Variants in SLX4IP observed in about 807,000 individuals in gnomAD.
SLX4IP encodes protein SLX4IP.
Under a neutral mutation model 32.9 loss-of-function variants are expected in SLX4IP, and 34 were observed. That is an observed-to-expected ratio of 1.03 (90% CI 0.79 to 1.38). The LOEUF (loss-of-function observed/expected upper bound fraction) is 1.38. Ranked by LOEUF, SLX4IP falls within the 40% of genes most tolerant of loss-of-function variation. SLX4IP has a pLI of 0.00. For synonymous variants in SLX4IP, 172 were observed against 171.7 expected, an observed-to-expected ratio of 1.00 and a Z score of -0.01; for missense variants, 444 against 479.0, an observed-to-expected ratio of 0.93 and a Z score of 0.68.
intron 1 of SLX4IP, among the ~76,000 whole-genome samples, chr20:10,439,830 G>A (rs1158456740): frequency 6.6e-6 from 1 of 152,198 alleles, no homozygotes; most frequent in Non-Finnish European, 1.5e-5. Flanking sequence ...GCAAAGTAGA[G>A]ATCTATAAAG....
chr20:10,459,679 A>G (rs1440298377), intron 2 of SLX4IP, among the ~76,000 whole-genome samples: 1 of 152,198 alleles, frequency 6.6e-6, no homozygotes, highest in South Asian at 2.1e-4. Context: ...ATGCCAGGAG[A>G]GTTCTCTTGC....
At chr20:10,588,005 T>C in intron 4 of SLX4IP, among the ~76,000 whole-genome samples, 1 of 151,872 alleles carries the variant, frequency 6.6e-6, no homozygotes, top group Non-Finnish European at 1.5e-5. Flanking sequence ...AAAACTTCTG[T>C]GCAGCAAAGG....
At chr20:10,492,335 GT>G (rs1199169191) in intron 2 of SLX4IP, among the ~76,000 whole-genome samples, 1 of 152,148 alleles carries the variant, frequency 6.6e-6, no homozygotes, top group Admixed American at 6.5e-5. Flanking sequence ...AGTTGCGTCA[GT>G]TTCCCCTCCC....
intron 4 of SLX4IP, among the ~76,000 whole-genome samples, chr20:10,579,496 C>T (rs994848701): frequency 8.6e-5 from 13 of 150,994 alleles, no homozygotes; most frequent in African/African-American, 2.4e-5. Flanking sequence ...GGTGTGATCT[C>T]GGCTCGCTGC....
intron 2 of SLX4IP, among the ~76,000 whole-genome samples, chr20:10,491,105 C>T (rs2065619370): frequency 6.6e-6 from 1 of 151,606 alleles, no homozygotes; most frequent in Admixed American, 6.6e-5. Context: ...CACTTTGGTA[C>T]TTGCCTCTTG....
chr20:10,547,743 A>G (rs775986578), intron 2 of SLX4IP, among the ~76,000 whole-genome samples: 2 of 152,092 alleles, frequency 1.3e-5, no homozygotes, highest in Non-Finnish European at 2.9e-5. Context: ...GAGGGAGGTA[A>G]TCCCTCCTAG....
chr20:10,449,784 G>A (rs2065227431), intron 1 of SLX4IP, among the ~76,000 whole-genome samples: 1 of 151,976 alleles, frequency 6.6e-6, no homozygotes, highest in Admixed American at 6.6e-5. Context: ...ATTCTTCCCA[G>A]GTAGCCTATT....
At chr20:10,439,513 C>G (rs1008681478) in intron 1 of SLX4IP, among the ~76,000 whole-genome samples, 1 of 152,100 alleles carries the variant, frequency 6.6e-6, no homozygotes, top group Non-Finnish European at 1.5e-5. Context: ...GCTGGCCTAA[C>G]AATTTTTTTA....
intron 2 of SLX4IP, among the ~76,000 whole-genome samples, chr20:10,478,352 A>G (rs2065492201): frequency 5.3e-5 from 8 of 152,202 alleles, no homozygotes; most frequent in Admixed American, 5.2e-4. Context: ...TGTGAAGTAC[A>G]TGTTACTGTT....
At chr20:10,533,637 T>C (rs1422482644) in intron 2 of SLX4IP, among the ~76,000 whole-genome samples, 1 of 67,510 alleles carries the variant, frequency 1.5e-5, no homozygotes, top group Non-Finnish European at 3.1e-5. Context: ...TTTTTTTTTT[T>C]GAGGCAGGGT....
chr20:10,485,188 T>C (rs6039982), intron 2 of SLX4IP, among the ~76,000 whole-genome samples: 8 of 152,244 alleles, frequency 5.3e-5, no homozygotes, highest in African/African-American at 1.9e-4. Context: ...GGGTTATTGA[T>C]TGACCACATG....
intron 3 of SLX4IP, among the ~76,000 whole-genome samples, chr20:10,559,036 C>T (rs2066301519): frequency 6.6e-6 from 1 of 152,100 alleles, no homozygotes; most frequent in South Asian, 2.1e-4. Flanking sequence ...CAAATTTTAG[C>T]AATCCTTGTT....
chr20:10,486,018 C>T (rs1307194697), intron 2 of SLX4IP, among the ~76,000 whole-genome samples: 1 of 151,770 alleles, frequency 6.6e-6, no homozygotes, highest in Non-Finnish European at 1.5e-5. Context: ...AGGCAGGCAC[C>T]CTCGGTATAA....
chr20:10,480,277 C>T (rs572596149), intron 2 of SLX4IP, among the ~76,000 whole-genome samples: 44 of 152,080 alleles, frequency 2.9e-4, no homozygotes, highest in Middle Eastern at 3.4e-3. Flanking sequence ...CACCTGTGGT[C>T]CCAGCTACTG....
chr20:10,475,551 G>T (rs1271339062), intron 2 of SLX4IP, among the ~76,000 whole-genome samples: 2 of 152,284 alleles, frequency 1.3e-5, no homozygotes, highest in Non-Finnish European at 2.9e-5. Flanking sequence ...GCTTCACTGT[G>T]GGCCTCTCTT....
intron 2 of SLX4IP, among the ~76,000 whole-genome samples, chr20:10,468,747 GT>G (rs898999569): frequency 1.3e-5 from 2 of 151,800 alleles, no homozygotes; most frequent in African/African-American, 4.8e-5. Context: ...CTTGCTATGT[GT>G]TTTTTTGACT....
At chr20:10,475,597 T>C (rs1008261096) in intron 2 of SLX4IP, among the ~76,000 whole-genome samples, 1 of 152,190 alleles carries the variant, frequency 6.6e-6, no homozygotes, top group African/African-American at 2.4e-5. Context: ...ATCTTCCTTG[T>C]TATTCTCCCT....
chr20:10,452,870 A>C (rs183569677), intron 1 of SLX4IP, among the ~76,000 whole-genome samples: 273 of 151,710 alleles, frequency 1.8e-3, no homozygotes, highest in Non-Finnish European at 3.2e-3. Flanking sequence ...ATAAATAAAT[A>C]AATAACGTAA....
intron 2 of SLX4IP, among the ~76,000 whole-genome samples, chr20:10,518,324 C>T (rs1355336199): frequency 6.6e-6 from 1 of 152,136 alleles, no homozygotes; most frequent in African/African-American, 2.4e-5. Flanking sequence ...CTCCACCCAG[C>T]ACTAGAGACC....
Sources: allele counts gnomAD v4.1 joint callset (sites outside exome capture counted in the v4.1 genomes callset), GRCh38; gene constraint gnomAD v4.1.1; transcripts MANE v1.5; gene names NCBI Gene and HGNC (gene_info 2026-07-23, HGNC 2026-07-21).